SSH2: variants seen among roughly 807,000 people sequenced by gnomAD.
The protein encoded by SSH2 is slingshot protein phosphatase 2, also known as protein phosphatase Slingshot homolog 2.
A neutral mutation model predicts 135.2 loss-of-function variants in SSH2; 37 were observed. That is an observed-to-expected ratio of 0.27 (90% CI 0.21 to 0.36). The LOEUF (loss-of-function observed/expected upper bound fraction) is 0.36. Among genes scored for constraint, SSH2 ranks in the 10% least tolerant of loss-of-function variants. The pLI is 1.00. For missense variants in SSH2, 1,408 were observed against 1,765.3 expected (o/e 0.80, Z 3.63); for synonymous variants, 628 against 646.2 (o/e 0.97, Z 0.43).
intron 3 of SSH2, among the ~76,000 whole-genome samples, chr17:29,789,364 C>T (rs755574343): frequency 6.6e-5 from 10 of 152,182 alleles, no homozygotes; most frequent in Non-Finnish European, 1.3e-4. Context: ...GTGTGAACCA[C>T]AGGCCTAATC....
At chr17:29,747,880 G>A (rs1274877618) in intron 3 of SSH2, among the ~76,000 whole-genome samples, 1 of 152,178 alleles carries the variant, frequency 6.6e-6, no homozygotes, top group African/African-American at 2.4e-5. Flanking sequence ...CTATTATTGC[G>A]AGACCCAACA....
chr17:29,841,892 A>ATTTTTTTTTTTT (rs770836134), intron 2 of SSH2, among the ~76,000 whole-genome samples: 1 of 99,640 alleles, frequency 1.0e-5, no homozygotes, highest in African/African-American at 3.9e-5. Flanking sequence ...CCCTTGGCTA[A>ATTTTTTTTTTTT]TTTTTTTTTT....
chr17:29,662,794 T>A (rs2037105873), intron 11 of SSH2, among the ~76,000 whole-genome samples: 2 of 152,340 alleles, frequency 1.3e-5, no homozygotes, highest in South Asian at 4.1e-4. Flanking sequence ...TGAATTTTTT[T>A]ATGAAAAGGA....
At chr17:29,927,769 G>A (rs2067093518) in intron 1 of SSH2, among the ~76,000 whole-genome samples, 1 of 152,206 alleles carries the variant, frequency 6.6e-6, no homozygotes, top group Non-Finnish European at 1.5e-5. Flanking sequence ...TTATACTAAT[G>A]ATGCTGATTG....
At chr17:29,726,243 G>T (rs994410217) in intron 3 of SSH2, among the ~76,000 whole-genome samples, 1 of 152,210 alleles carries the variant, frequency 6.6e-6, no homozygotes, top group Admixed American at 6.5e-5. Flanking sequence ...GGAGGGAAAA[G>T]AAAGGATGTT....
intron 14 of SSH2, among the ~76,000 whole-genome samples, chr17:29,639,080 C>G (rs939855909): frequency 2.6e-5 from 4 of 152,126 alleles, no homozygotes; most frequent in African/African-American, 9.7e-5. Flanking sequence ...ATGAAGGGAA[C>G]AGCATAAAGG....
intron 3 of SSH2, among the ~76,000 whole-genome samples, chr17:29,772,406 C>T (rs905671236): frequency 2.0e-5 from 3 of 151,902 alleles, no homozygotes; most frequent in African/African-American, 4.8e-5. Context: ...CCACCATGCC[C>T]GAATAATTTT....
At chr17:29,862,677 C>A (rs566896724) in intron 1 of SSH2, among the ~76,000 whole-genome samples, 1 of 152,186 alleles carries the variant, frequency 6.6e-6, no homozygotes, top group African/African-American at 2.4e-5. Context: ...CTAAGAGAGT[C>A]AAGATACTCA....
At chr17:29,704,934 G>C (rs1454500583) in intron 3 of SSH2, among the ~76,000 whole-genome samples, 1 of 152,082 alleles carries the variant, frequency 6.6e-6, no homozygotes, top group Non-Finnish European at 1.5e-5. Flanking sequence ...GCTATTAAAG[G>C]TTAGCTAGCA....
At chr17:29,907,413 C>A (rs1599175159) in intron 1 of SSH2, among the ~76,000 whole-genome samples, 1 of 152,062 alleles carries the variant, frequency 6.6e-6, no homozygotes, top group East Asian at 1.9e-4. Context: ...GGGCTTAATA[C>A]CTAGGTAATG....
intron 12 of SSH2, 60 bp from the exon 13 acceptor site, chr17:29,650,860 C>A (rs907054332): frequency 2.2e-6 from 3 of 1,388,130 alleles, no homozygotes; most frequent in Non-Finnish European, 2.9e-6. Context: ...CAATTCCCAG[C>A]ACTGTTTTTT....
chr17:29,885,659 A>T (rs868828126), intron 1 of SSH2, among the ~76,000 whole-genome samples: 2 of 152,176 alleles, frequency 1.3e-5, no homozygotes, highest in African/African-American at 4.8e-5. Context: ...GTACCCACCT[A>T]AATCTCATCT....
chr17:29,787,432 A>C (rs558598287), intron 3 of SSH2: 2 of 152,320 alleles, frequency 1.3e-5, no homozygotes, highest in South Asian at 4.1e-4. Context: ...TGTTGCTATG[A>C]ACACGGGTGT....
chr17:29,785,315 A>G (rs1015768999), intron 3 of SSH2, among the ~76,000 whole-genome samples: 3 of 152,020 alleles, frequency 2.0e-5, no homozygotes, highest in Non-Finnish European at 4.4e-5. Flanking sequence ...TAAGATCTCA[A>G]AGTACTTTGT....
At chr17:29,684,770 A>G in intron 5 of SSH2, 86 bp from the exon 6 acceptor site, 2 of 1,329,986 alleles carry the variant, frequency 1.5e-6, no homozygotes, top group Non-Finnish European at 2.1e-6. Context: ...AGCATCTTAA[A>G]GCATACTCAC....
chr17:29,632,664 C>G lies in SSH2; in HGVS notation c.2530G>C (p.Ala844Pro). 1 of 1,614,140 alleles carries G rather than the reference C, an allele frequency of 6.2e-7. No homozygotes were observed. The highest frequency in any genetic ancestry group is 8.5e-7 in the Non-Finnish European group (1 of 1,180,028). Residue 844 changes from alanine to proline, a missense_variant, in exon 16 of 16, where the codon GCC becomes CCC. Transcript: ENST00000540801. ...GGGTTGCACATCCCTGAGTCTTTGGCTAGTTCAGGCTGGGCTGTGCAGGAG... is the reference window on the plus strand; with the variant it reads ...GGGTTGCACATCCCTGAGTCTTTGGGTAGTTCAGGCTGGGCTGTGCAGGAG... ...EDSCTAQPEL[A>P]KDSGMCNPEG...
intron 4 of SSH2, among the ~76,000 whole-genome samples, chr17:29,697,224 C>CA (rs903291149): frequency 2.6e-5 from 4 of 151,922 alleles, no homozygotes; most frequent in African/African-American, 7.3e-5. Context: ...AATCTGTGAA[C>CA]AAAAAAACCT....
intron 13 of SSH2, among the ~76,000 whole-genome samples, chr17:29,650,201 T>C (rs2036533510): frequency 6.6e-6 from 1 of 152,198 alleles, no homozygotes; most frequent in African/African-American, 2.4e-5. Flanking sequence ...CAGAAAAATT[T>C]CATCATTTAG....
intron 1 of SSH2, among the ~76,000 whole-genome samples, chr17:29,924,703 T>C (rs1473277928): frequency 3.9e-5 from 6 of 152,122 alleles, no homozygotes; most frequent in South Asian, 2.1e-4. Flanking sequence ...ATAGGGAACC[T>C]GCCTTTAGCA....
Sources: gnomAD v4.1 joint callset for allele counts (sites outside exome capture counted in the v4.1 genomes callset) on GRCh38, gnomAD v4.1.1 for gene constraint, MANE v1.5 for transcripts, NCBI Gene and HGNC (gene_info 2026-07-23, HGNC 2026-07-21) for gene names.